MOV10L1: variants seen among roughly 807,000 people sequenced by gnomAD.
The protein encoded by MOV10L1 is RNA helicase Mov10l1.
A neutral mutation model predicts 143.8 loss-of-function variants in MOV10L1; 110 were observed. That is an observed-to-expected ratio of 0.76 (90% CI 0.66 to 0.90). The LOEUF is 0.90. Among genes scored for constraint, MOV10L1 ranks in the 40% least tolerant of loss-of-function variants. The probability of loss-of-function intolerance (pLI) is 0.00; values close to 1 mark genes in which losing one functional copy is unlikely to be tolerated. For missense variants in MOV10L1, 1,406 were observed against 1,526.8 expected (o/e 0.92, Z 1.32); for synonymous variants, 593 against 581.1 (o/e 1.02, Z -0.29).
At chr22:50,142,984 G>C in intron 16 of MOV10L1, 59 bp from the exon 17 acceptor site, 2 of 1,544,272 alleles carry the variant, frequency 1.3e-6, no homozygotes, top group Non-Finnish European at 1.8e-6. Context: ...GTGAGGACGT[G>C]TCCACAGCTG....
intron 15 of MOV10L1, among the ~76,000 whole-genome samples, chr22:50,135,114 A>C (rs982425522): frequency 6.6e-6 from 1 of 151,774 alleles, no homozygotes; most frequent in Non-Finnish European, 1.5e-5. Flanking sequence ...CCCAGATTCA[A>C]GTGATTCTCC....
rs558331662 is a variant in MOV10L1, at chr22:50,158,426, G to C, written c.3216+220G>C. 1.8e-6 allele frequency: 1 copy of C among 549,492 alleles called. No homozygotes were observed. The highest frequency in any genetic ancestry group is 3.2e-6 in the Non-Finnish European group (1 of 315,044). 34.0% of individuals were successfully genotyped at this position (549,492 alleles called of 1,614,324 possible). On this transcript the variant is annotated intron_variant, in intron 23 of 26. Coordinates refer to ENST00000262794, the MANE Select transcript of MOV10L1 (RefSeq NM_018995.3). The surrounding 1 kb of genome is among the most constrained non-coding windows in gnomAD (Gnocchi z 5.0). ...CCAGCTTTTCTACGGCCAGAGCCTCGAACAGTTTTTACATTTCTAAATGGT... is the reference window on the plus strand; with the variant it reads ...CCAGCTTTTCTACGGCCAGAGCCTCCAACAGTTTTTACATTTCTAAATGGT...
In MOV10L1 at chr22:50,153,172, A is replaced by T; in HGVS notation, c.3020A>T (p.Glu1007Val). The T allele has an allele frequency of 6.2e-7, 1 of 1,613,954 alleles. No homozygotes were observed. The highest frequency in any genetic ancestry group is 1.3e-5 in the African/African-American group (1 of 75,032). Reference protein sequence around the residue: ...PTVVTSLLGWEKLPKKGFPLI... With the variant: ...PTVVTSLLGWVKLPKKGFPLI... ...GTGGTGACCTCCTTGCTGGGCTGGG[A>T]GAAGTTGCCTAAGAAAGGCTTCCCT... The change falls in exon 22 of 27, where the codon GAG becomes GTG. Residue 1007 changes from glutamate to valine, a missense_variant. Glu to Val is a moderately radical substitution (Grantham distance 121). Coordinates refer to ENST00000262794, the MANE Select transcript of MOV10L1 (RefSeq NM_018995.3).
chr22:50,150,839 AC>A lies in MOV10L1; in HGVS notation c.2835del (p.Ala946ArgfsTer24). On this transcript the variant is annotated frameshift_variant, in exon 21 of 27. Transcript: ENST00000262794. LOFTEE classifies it high-confidence loss of function. ...VSFLERLMSR[P>X]AYQRDENAFG... The stretch of plus-strand genomic sequence containing the variant: ...CCTTTTTGGAACGGCTGATGTCTCG[AC>A]CCGCGTACCAGAGGGACGAAAATGC... The A allele has an allele frequency of 6.2e-7, 1 of 1,614,138 alleles. No homozygotes were observed. The highest frequency in any genetic ancestry group is 8.5e-7 in the Non-Finnish European group (1 of 1,180,014).
chr22:50,113,210 C>A (rs2147137761), intron 5 of MOV10L1, among the ~76,000 whole-genome samples: 1 of 152,328 alleles, frequency 6.6e-6, no homozygotes, highest in East Asian at 1.9e-4. Flanking sequence ...CTTCTCATTT[C>A]ATTGTTTTCA....
intron 19 of MOV10L1, among the ~76,000 whole-genome samples, chr22:50,149,109 A>C (rs545360162): frequency 6.6e-6 from 1 of 152,340 alleles, no homozygotes; most frequent in East Asian, 1.9e-4. Flanking sequence ...AGAGGCTGCC[A>C]TCTGTGGCCG....
At chr22:50,153,266 T>C in intron 22 of MOV10L1, 48 bp downstream of exon 22, 1 of 1,552,590 alleles carries the variant, frequency 6.4e-7, no homozygotes, top group Non-Finnish European at 8.8e-7. Flanking sequence ...GTAAGGACAG[T>C]ATGGCAGGAG....
intron 15 of MOV10L1, 109 bp downstream of exon 15, chr22:50,134,739 C>T (rs1206654595): frequency 3.3e-6 from 3 of 905,744 alleles, no homozygotes; most frequent in Non-Finnish European, 5.3e-6. Context: ...CAGGGGATGG[C>T]TCAGCGATGT....
intron 21 of MOV10L1, among the ~76,000 whole-genome samples, chr22:50,151,788 C>T (rs369139923): frequency 5.3e-5 from 8 of 152,352 alleles, no homozygotes; most frequent in African/African-American, 1.7e-4. Context: ...AGCACGCTGC[C>T]GTCCCCACCA....
At position 50,158,327 on chromosome 22, in the gene MOV10L1, C is replaced by A; in HGVS notation, c.3216+121C>A. 1.6e-6 allele frequency: 2 copies of A among 1,227,800 alleles called. No homozygotes were observed. Among genetic ancestry groups the A allele is most frequent in the Non-Finnish European group, 2.3e-6 (2 of 888,468 alleles). The allele number at this position is 1,227,800 out of a possible 1,614,324, so 76.1% of individuals were successfully genotyped here. On this transcript the variant is annotated intron_variant, in intron 23 of 26. Coordinates refer to ENST00000262794, the MANE Select transcript of MOV10L1 (RefSeq NM_018995.3). This position sits in a 1 kb window ranked among gnomAD's most constrained non-coding sequence, Gnocchi z 5.0. ...GAGCAGCAGCAGGTTTTTAAAGGGG[C>A]AGGACCGCACTTGAATGTCGTTCAA...
chr22:50,129,494 G>A (rs1396206317), intron 13 of MOV10L1, among the ~76,000 whole-genome samples: 1 of 152,204 alleles, frequency 6.6e-6, no homozygotes, highest in African/African-American at 2.4e-5. Context: ...TTGGTTTGCG[G>A]TTGTGTGAAT....
chr22:50,158,536 C>CTAT lies in MOV10L1; in HGVS notation c.3216+330_3216+331insTAT, dbSNP rs2063483182. 1 of 280,296 alleles carries CTAT rather than the reference C, an allele frequency of 3.6e-6. No individual in the cohort carries two copies. The highest frequency in any genetic ancestry group is 2.2e-5 in the African/African-American group (1 of 44,922). 17.4% of individuals were successfully genotyped at this position (280,296 alleles called of 1,614,324 possible). Reference sequence around the variant, plus strand: ...CTAACCCAGTGTTTCTCAAAGGGGGCACTTTGGGTATATTTGAATGGGACG... The same window carrying CTAT: ...CTAACCCAGTGTTTCTCAAAGGGGGCTATACTTTGGGTATATTTGAATGGGACG... On this transcript the variant is annotated intron_variant, in intron 23 of 26. Coordinates refer to ENST00000262794, the MANE Select transcript of MOV10L1 (RefSeq NM_018995.3). The surrounding 1 kb of genome is among the most constrained non-coding windows in gnomAD (Gnocchi z 5.0).
intron 8 of MOV10L1, among the ~76,000 whole-genome samples, chr22:50,115,649 C>T (rs2062152935): frequency 6.6e-6 from 1 of 152,200 alleles, no homozygotes. Context: ...CCACCTGGGG[C>T]AATGGATCCT....
rs181215708 is a variant in MOV10L1 at position 50,128,166 on chromosome 22, A to G, written c.1819-250A>G. ...CTATGGAGTCAGTGACCTCCCACAC[A>G]TTCTCTATTCTCAGAGCCTTAGGAG... is the stretch of plus-strand genomic sequence containing the variant. On this transcript the variant is annotated intron_variant, in intron 12 of 26. Coordinates refer to ENST00000262794, the MANE Select transcript of MOV10L1 (RefSeq NM_018995.3). Among the ~76,000 whole-genome samples the G allele has an allele frequency of 3.8e-3, 581 of 152,358 alleles. 6 individuals are homozygous for G. Among genetic ancestry groups the G allele is most frequent in the African/African-American group, 0.013 (553 of 41,574 alleles).
intron 5 of MOV10L1, 43 bp downstream of exon 5, chr22:50,108,887 G>A: frequency 1.9e-6 from 3 of 1,592,088 alleles, no homozygotes; most frequent in South Asian, 2.2e-5. Flanking sequence ...GCTAACGCCT[G>A]TAATCCTAGC....
intron 8 of MOV10L1, among the ~76,000 whole-genome samples, chr22:50,116,402 A>G (rs1161119367): frequency 1.3e-5 from 2 of 149,172 alleles, no homozygotes; most frequent in South Asian, 2.2e-4. Flanking sequence ...AGCCGAGATC[A>G]CGCCACCGCA....
chr22:50,137,491 A>C (rs977531906), intron 15 of MOV10L1, among the ~76,000 whole-genome samples: 1 of 152,040 alleles, frequency 6.6e-6, no homozygotes, highest in Non-Finnish European at 1.5e-5. Context: ...CAGTGAGCCG[A>C]GATCGCGCCA....
rs1202949687 is a variant in MOV10L1 at position 50,153,031 on chromosome 22, C to G, written c.2893-14C>G. ...ACCACCTTCCCCTTGTGACCCATCACCATCTCCTCGCAGGTCACAAAGCTG... is the reference window on the plus strand; with the variant it reads ...ACCACCTTCCCCTTGTGACCCATCAGCATCTCCTCGCAGGTCACAAAGCTG... On this transcript the variant is annotated splice_polypyrimidine_tract_variant and intron_variant, in intron 21 of 26. Coordinates refer to ENST00000262794, the MANE Select transcript of MOV10L1 (RefSeq NM_018995.3). The G allele has an allele frequency of 1.3e-6, 2 of 1,586,612 alleles. No individual in the cohort carries two copies. Among genetic ancestry groups the G allele is most frequent in the Non-Finnish European group, 1.7e-6 (2 of 1,160,110 alleles).
chr22:50,146,930 A>G, intron 19 of MOV10L1: 2 of 777,980 alleles, frequency 2.6e-6, no homozygotes, highest in Non-Finnish European at 2.1e-6. Context: ...CACTTAGAGC[A>G]TGTCAGGTTT....
Sources: allele counts gnomAD v4.1 joint callset (sites outside exome capture counted in the v4.1 genomes callset), GRCh38; gene constraint gnomAD v4.1.1; non-coding constraint Gnocchi (gnomAD v3.1); transcripts MANE v1.5; gene names NCBI Gene and HGNC (gene_info 2026-07-23, HGNC 2026-07-21).